Variants in PIK3C3 observed in about 807,000 individuals in gnomAD.
The protein encoded by PIK3C3 is PI3-kinase type 3.
A neutral mutation model predicts 126.1 loss-of-function variants in PIK3C3; 95 were observed. The ratio of observed to expected loss-of-function variants is 0.75; its 90% CI spans 0.64 to 0.89. The LOEUF (loss-of-function observed/expected upper bound fraction) is 0.89, where lower values mean the gene tolerates loss of function less well. Ranked by LOEUF, PIK3C3 falls within the 40% of genes least tolerant of loss-of-function variation. The probability of loss-of-function intolerance (pLI) is 0.00; values close to 1 mark genes in which losing one functional copy is unlikely to be tolerated. For missense variants in PIK3C3, 829 were observed against 1,063.2 expected (o/e 0.78, Z 3.06); for synonymous variants, 374 against 360.0 (o/e 1.04, Z -0.44).
At chr18:42,048,646 CA>C (rs2144488676) in intron 20 of PIK3C3, among the ~76,000 whole-genome samples, 1 of 152,180 alleles carries the variant, frequency 6.6e-6, no homozygotes, top group Admixed American at 6.5e-5. Flanking sequence ...ATAATTATGC[CA>C]TTGCTTAAGT....
chr18:42,076,089 C>CATATATATATATGCATATATAT (rs1985963004), intron 24 of PIK3C3, among the ~76,000 whole-genome samples: 3 of 54,660 alleles, frequency 5.5e-5, no homozygotes, highest in African/African-American at 7.9e-5. Context: ...CTTTACCTTG[C>CATATATATATATGCATATATAT]ATATATATAT....
In PIK3C3 at chr18:42,084,585, C is replaced by CAAAA. The variant is rs58697677; in HGVS notation, c.*3466_*3469dup. ...TAGTATAGAGTAGCTAAAAACAAACCAAAAAAAAAAAAAAAAAAAAAGGAA... is the reference window on the plus strand; with the variant it reads ...TAGTATAGAGTAGCTAAAAACAAACCAAAAAAAAAAAAAAAAAAAAAAAAAGGAA... On this transcript the variant is annotated 3_prime_UTR_variant, in exon 25 of 25. Coordinates refer to ENST00000262039, the MANE Select transcript of PIK3C3 (RefSeq NM_002647.4). 1 of 96,720 alleles carries CAAAA rather than the reference C, an allele frequency of 1.0e-5. No individual in the cohort carries two copies. Among genetic ancestry groups the CAAAA allele is most frequent in the African/African-American group, 3.8e-5 (1 of 26,078 alleles). The allele number at this position is 96,720 out of a possible 1,614,324, so 6.0% of individuals were successfully genotyped here.
intron 10 of PIK3C3, among the ~76,000 whole-genome samples, chr18:42,006,163 C>G (rs1982532336): frequency 6.6e-6 from 1 of 150,930 alleles, no homozygotes; most frequent in Non-Finnish European, 1.5e-5. Context: ...ACATTACTTA[C>G]TACTATTGAT....
At chr18:42,018,446 AG>A (rs1347321825) in intron 12 of PIK3C3, among the ~76,000 whole-genome samples, 1 of 152,166 alleles carries the variant, frequency 6.6e-6, no homozygotes, top group African/African-American at 2.4e-5. Flanking sequence ...GAGAAACTTT[AG>A]GCCTATATTC....
At position 41,957,739 on chromosome 18, in the gene PIK3C3, G is replaced by T. The variant is rs201632301; in HGVS notation, c.238G>T (p.Ala80Ser). ...LALPVRTSYK[A>S]FSTRWNWNEW... ...CTTGCCAGTGAGAACATCCTACAAAGCATTTAGTACAAGATGGAAGTAAGT... is the reference window on the plus strand; with the variant it reads ...CTTGCCAGTGAGAACATCCTACAAATCATTTAGTACAAGATGGAAGTAAGT... The change falls in exon 2 of 25, where the codon GCA becomes TCA. Residue 80 changes from alanine to serine, a missense_variant. Ala to Ser is a moderately conservative substitution (Grantham distance 99). This residue lies in a region of PIK3C3 where 313 missense variants were observed against 340.7 expected (regional missense o/e 0.92). Coordinates refer to ENST00000262039, the MANE Select transcript of PIK3C3 (RefSeq NM_002647.4). 2.7e-5 allele frequency: 44 copies of T among 1,612,364 alleles called. No individual in the cohort carries two copies. The highest frequency in any genetic ancestry group is 6.7e-5 in the Admixed American group (4 of 59,406).
chr18:42,042,861 G>A (rs904787670), intron 19 of PIK3C3, among the ~76,000 whole-genome samples: 7 of 152,146 alleles, frequency 4.6e-5, no homozygotes, highest in African/African-American at 9.6e-5. Context: ...CAAACTCTTC[G>A]TACCTCTTTT....
intron 3 of PIK3C3, among the ~76,000 whole-genome samples, chr18:41,963,322 T>C (rs1262668007): frequency 6.6e-6 from 1 of 152,240 alleles, no homozygotes; most frequent in African/African-American, 2.4e-5. Context: ...TTAAGACTAA[T>C]GAGTTTGTGC....
chr18:41,977,895 G>A (rs1981008997), intron 4 of PIK3C3, among the ~76,000 whole-genome samples: 1 of 152,134 alleles, frequency 6.6e-6, no homozygotes, highest in Non-Finnish European at 1.5e-5. Context: ...TTGATCACAG[G>A]ATTATTTTTC....
At chr18:41,959,867 C>T (rs11873602) in intron 2 of PIK3C3, among the ~76,000 whole-genome samples, 6,549 of 152,072 alleles carry the variant, frequency 0.043, 448 homozygotes, top group African/African-American at 0.15. Flanking sequence ...CTTTAGTATT[C>T]GAAAGTTGAA....
chr18:42,022,578 C>T (rs1234619475), intron 13 of PIK3C3, among the ~76,000 whole-genome samples: 1 of 152,152 alleles, frequency 6.6e-6, no homozygotes, highest in East Asian at 1.9e-4. Context: ...AGAAAAACCA[C>T]TGTCAACAAT....
rs548165039 is a variant in PIK3C3 at position 41,961,628 on chromosome 18, A to G, written c.258-861A>G. Reference sequence around the variant, plus strand: ...CCTTAGATAATAACTTTGAATGAACAGAATAATTTTGAGTAAACAGAAATA... The same window carrying G: ...CCTTAGATAATAACTTTGAATGAACGGAATAATTTTGAGTAAACAGAAATA... On this transcript the variant is annotated intron_variant, in intron 2 of 24. Coordinates refer to ENST00000262039, the MANE Select transcript of PIK3C3 (RefSeq NM_002647.4). 9.8e-5 allele frequency among the ~76,000 whole-genome samples: 15 copies of G among 152,326 alleles called. No individual in the cohort carries two copies. The East Asian group carries it at 1.9e-3, about 20-fold the overall frequency.
At chr18:42,048,149 T>C (rs1984637759) in intron 20 of PIK3C3, among the ~76,000 whole-genome samples, 1 of 152,228 alleles carries the variant, frequency 6.6e-6, no homozygotes. Context: ...TAGCTGCAGT[T>C]AACATAATGT....
At chr18:41,979,836 C>A (rs1401380491) in intron 4 of PIK3C3, among the ~76,000 whole-genome samples, 1 of 151,134 alleles carries the variant, frequency 6.6e-6, no homozygotes, top group East Asian at 1.9e-4. Context: ...AAAATGTGGT[C>A]AGATCTCCAT....
chr18:41,999,363 A>G (rs1982174094), intron 9 of PIK3C3, among the ~76,000 whole-genome samples: 1 of 152,250 alleles, frequency 6.6e-6, no homozygotes, highest in East Asian at 1.9e-4. Context: ...ATTTAAATTA[A>G]CTCCATGCCT....
rs1567997737 is a variant in PIK3C3, at chr18:42,043,763, A to G, written c.2134A>G (p.Asn712Asp). 2 of 1,613,144 alleles carry G rather than the reference A, an allele frequency of 1.2e-6. No homozygotes were observed. Among genetic ancestry groups the G allele is most frequent in the East Asian group, 4.5e-5 (2 of 44,840 alleles). ...NFFRKYAPSENGPNGISAEVM... is the reference protein window; with the variant it reads ...NFFRKYAPSEDGPNGISAEVM... ...TTTTAGAAAATATGCACCAAGTGAG[A>G]ATGGGCCAAATGGGATTAGTGCTGA... The change falls in exon 20 of 25, where the codon AAT becomes GAT. Residue 712 changes from asparagine to aspartate, a missense_variant. By Grantham distance (23) the Asn-to-Asp change is conservative. This residue lies in a region of PIK3C3 where 196 missense variants were observed against 312.8 expected (regional missense o/e 0.63). Coordinates refer to ENST00000262039, the MANE Select transcript of PIK3C3 (RefSeq NM_002647.4).
chr18:42,069,969 T>G (rs1033572672), intron 24 of PIK3C3, among the ~76,000 whole-genome samples: 4 of 152,204 alleles, frequency 2.6e-5, no homozygotes, highest in Admixed American at 2.6e-4. Flanking sequence ...GTTTTTTTGT[T>G]TGCTGTAATG....
chr18:41,994,566 G>A (rs544981315), intron 7 of PIK3C3, among the ~76,000 whole-genome samples: 15 of 152,002 alleles, frequency 9.9e-5, no homozygotes, highest in African/African-American at 3.6e-4. Context: ...AGAATTAAAA[G>A]CCCAGAAATA....
At chr18:42,010,209 A>G (rs1340318541) in intron 10 of PIK3C3, among the ~76,000 whole-genome samples, 2 of 152,222 alleles carry the variant, frequency 1.3e-5, no homozygotes, top group East Asian at 3.8e-4. Flanking sequence ...TCGCATCTCA[A>G]GAAACTACTC....
chr18:42,036,813 T>G (rs374939902), intron 16 of PIK3C3, among the ~76,000 whole-genome samples: 131 of 152,240 alleles, frequency 8.6e-4, no homozygotes, highest in African/African-American at 3.1e-3. Context: ...TAGTACAGAT[T>G]GAGCATCTCT....
Sources: gnomAD v4.1 joint callset for allele counts (sites outside exome capture counted in the v4.1 genomes callset) on GRCh38, gnomAD v4.1.1 for gene constraint, gnomAD v4.1.1 regional missense constraint, MANE v1.5 for transcripts, NCBI Gene and HGNC (gene_info 2026-07-23, HGNC 2026-07-21) for gene names.